The following SUGP2 variants were observed in gnomAD, a reference collection of about 807,000 sequenced individuals.
SUGP2 encodes SURP and G-patch domain containing 2, also known as SURP and G-patch domain-containing protein 2.
A neutral mutation model predicts 90.5 loss-of-function variants in SUGP2; 24 were observed. The observed-to-expected ratio is 0.27, with a 90% CI of 0.19 to 0.37. The LOEUF is 0.37. SUGP2 is among the 10% of genes least tolerant of loss of function. The probability of loss-of-function intolerance (pLI) is 1.00; values close to 1 mark genes in which losing one functional copy is unlikely to be tolerated. For missense variants in SUGP2, 1,233 were observed against 1,363.3 expected, an observed-to-expected ratio of 0.90 and a Z score of 1.51; for synonymous variants, 473 against 513.4, an observed-to-expected ratio of 0.92 and a Z score of 1.06.
chr19:19,010,609 G>A (rs1432796186), intron 4 of SUGP2, among the ~76,000 whole-genome samples: 2 of 152,164 alleles, frequency 1.3e-5, no homozygotes, highest in African/African-American at 4.8e-5. Context: ...AGCTCTTGAT[G>A]GCCTGGAAAC....
At chr19:19,017,869 A>G (rs568341101) in intron 4 of SUGP2, among the ~76,000 whole-genome samples, 6 of 152,284 alleles carry the variant, frequency 3.9e-5, no homozygotes, top group East Asian at 1.9e-4. Flanking sequence ...TCACGCCCAG[A>G]TATCATAATA....
rs184757026 is a variant in SUGP2, at chr19:19,016,261, G to C, written c.1850+2848C>G. Among the ~76,000 whole-genome samples, 390 of 152,142 alleles carry C rather than the reference G, an allele frequency of 2.6e-3. 2 individuals are homozygous for C. The highest frequency in any genetic ancestry group is 8.9e-3 in the African/African-American group (368 of 41,508). On this transcript the variant is annotated intron_variant, in intron 4 of 10. Transcript: ENST00000452918. ...TTCGCCAGGATGGTCTCGATCTCCT[G>C]ATCTCGTGATCCACCCACCTTATAG...
intron 9 of SUGP2, chr19:18,994,712 A>C: frequency 5.1e-6 from 3 of 583,992 alleles, no homozygotes; most frequent in Admixed American, 3.1e-5. Flanking sequence ...TTACCTCGGA[A>C]TGCCTTACCC....
intron 1 of SUGP2, 39 bp from the exon 2 acceptor site, chr19:19,031,121 C>T: frequency 6.3e-7 from 1 of 1,594,534 alleles, no homozygotes; most frequent in Non-Finnish European, 8.5e-7. Context: ...AGAGCAACAA[C>T]TTGGAGCTGG....
chr19:18,996,471 G>A (rs1029485984), intron 8 of SUGP2, among the ~76,000 whole-genome samples: 1 of 151,982 alleles, frequency 6.6e-6, no homozygotes, highest in East Asian at 1.9e-4. Flanking sequence ...GGCTGGTCTC[G>A]GATTCCCGGC....
intron 8 of SUGP2, among the ~76,000 whole-genome samples, chr19:18,997,170 C>A (rs1209948220): frequency 6.6e-6 from 1 of 152,130 alleles, no homozygotes; most frequent in Admixed American, 6.5e-5. Flanking sequence ...CCCCCCTTGC[C>A]ATCTGCATTG....
chr19:19,030,213 G>A (rs1289202814), intron 2 of SUGP2, among the ~76,000 whole-genome samples: 1 of 152,118 alleles, frequency 6.6e-6, no homozygotes, highest in Admixed American at 6.6e-5. Flanking sequence ...AACTGGGCTG[G>A]GCTCGGTGGC....
intron 8 of SUGP2, 126 bp from the exon 9 acceptor site, chr19:18,995,406 C>T: frequency 8.8e-7 from 1 of 1,131,062 alleles, no homozygotes. Flanking sequence ...TGCTCAGGCT[C>T]AAGCTCCAGT....
chr19:18,996,842 C>T (rs2057614533), intron 8 of SUGP2, among the ~76,000 whole-genome samples: 1 of 152,158 alleles, frequency 6.6e-6, no homozygotes, highest in South Asian at 2.1e-4. Context: ...AGGCATGAGC[C>T]ACTGCGCCTG....
rs555811006 is a variant in SUGP2 at position 19,014,313 on chromosome 19, C to T, written c.1851-3971G>A. ...TGGCTCTTCTGACATCTTTAGTGCACGACACGAGGCAGGTCACCTCGGCAA... is the reference window on the plus strand; with the variant it reads ...TGGCTCTTCTGACATCTTTAGTGCATGACACGAGGCAGGTCACCTCGGCAA... On this transcript the variant is annotated intron_variant, in intron 4 of 10. Coordinates refer to ENST00000452918, the MANE Select transcript of SUGP2 (RefSeq NM_001017392.5). Among the ~76,000 whole-genome samples the T allele has an allele frequency of 1.4e-4, 21 of 152,114 alleles. No individual in the cohort carries two copies. The South Asian group carries it at 4.2e-3, about 30-fold the overall frequency.
chr19:19,003,905 G>C (rs1447951242), intron 7 of SUGP2, among the ~76,000 whole-genome samples: 2 of 152,198 alleles, frequency 1.3e-5, no homozygotes, highest in African/African-American at 4.8e-5. Flanking sequence ...CCCCTCCACA[G>C]TTGGGGATGC....
intron 4 of SUGP2, among the ~76,000 whole-genome samples, chr19:19,014,546 G>A (rs1022305808): frequency 6.6e-6 from 1 of 151,910 alleles, no homozygotes; most frequent in African/African-American, 2.4e-5. Flanking sequence ...GCTCATGCCT[G>A]TAACCCCAGT....
In SUGP2 at chr19:18,991,256, C is replaced by G. The variant is rs1823856605; in HGVS notation, c.*2485G>C. On this transcript the variant is annotated 3_prime_UTR_variant, in exon 11 of 11. Transcript: ENST00000452918. ...GGCCTCTGCAGAGAGCAAGGACAGC[C>G]TCGGTTAAGAGGGAGGGGCTGGGGG... 1 of 152,302 alleles carries G rather than the reference C, an allele frequency of 6.6e-6. No individual in the cohort carries two copies. The highest frequency in any genetic ancestry group is 2.4e-5 in the African/African-American group (1 of 41,460). 9.4% of individuals were successfully genotyped at this position (152,302 alleles called of 1,614,324 possible).
intron 6 of SUGP2, among the ~76,000 whole-genome samples, chr19:19,006,135 G>A (rs936449261): frequency 1.3e-5 from 2 of 151,930 alleles, no homozygotes; most frequent in Non-Finnish European, 2.9e-5. Context: ...CAGGAGAATC[G>A]CTTGAACCCG....
In SUGP2 at chr19:19,025,490, T is replaced by C. The variant is rs34471092; in HGVS notation, c.858A>G (p.Pro286=). The C allele has an allele frequency of 2.6e-3, 4,156 of 1,614,186 alleles. 71 individuals carry two copies. The African/African-American group carries it at 0.044, about 17-fold the overall frequency. ...PSPDVTLGTN[P]GTEDIQFPIQ... ...TGGGGAACTGGATATCTTCTGTCCC[T>C]GGGTTTGTCCCCAGGGTCACATCAG... The change falls in exon 3 of 11, where the codon CCA becomes CCG. Residue 286 remains proline (P), a synonymous_variant. Coordinates refer to ENST00000452918, the MANE Select transcript of SUGP2 (RefSeq NM_001017392.5).
chr19:19,004,832 A>G (rs749738690), intron 6 of SUGP2, among the ~76,000 whole-genome samples, 186 bp from the exon 7 acceptor site: 1 of 152,192 alleles, frequency 6.6e-6, no homozygotes, highest in African/African-American at 2.4e-5. Context: ...GAGGAGTACT[A>G]GTAACTTAAT....
chr19:19,032,650 TTATGAATGA>T (rs1244498911), intron 1 of SUGP2, among the ~76,000 whole-genome samples: 1 of 151,918 alleles, frequency 6.6e-6, no homozygotes, highest in African/African-American at 2.4e-5. Flanking sequence ...GCGGGTCCTG[TTATGAATGA>T]CATTAGGGTG....
intron 9 of SUGP2, 78 bp downstream of exon 9, chr19:18,995,066 T>C: frequency 6.5e-7 from 1 of 1,545,798 alleles, no homozygotes; most frequent in Non-Finnish European, 8.8e-7. Flanking sequence ...ATCTTGGCTG[T>C]GAAGGAGCCA....
intron 7 of SUGP2, among the ~76,000 whole-genome samples, chr19:19,002,890 C>A (rs183811197): frequency 3.9e-5 from 6 of 152,092 alleles, no homozygotes; most frequent in African/African-American, 1.2e-4. Context: ...CCACCTCCCC[C>A]CAAGAAGAGC....
Sources: allele counts gnomAD v4.1 joint callset (sites outside exome capture counted in the v4.1 genomes callset), GRCh38; gene constraint gnomAD v4.1.1; transcripts MANE v1.5; gene names NCBI Gene and HGNC (gene_info 2026-07-23, HGNC 2026-07-21).